Variants in WSCD2 observed in about 807,000 individuals in gnomAD.
WSCD2 encodes the protein WSC domain sialate O sulfotransferase 2.
Under a neutral mutation model 55.7 loss-of-function variants are expected in WSCD2, and 28 were observed. The observed-to-expected ratio is 0.50, with a 90% CI of 0.37 to 0.69. WSCD2 has a LOEUF of 0.69. Ranked by LOEUF, WSCD2 falls within the 30% of genes least tolerant of loss-of-function variation. The probability of loss-of-function intolerance (pLI) is 0.00; values close to 1 mark genes in which losing one functional copy is unlikely to be tolerated. For missense variants in WSCD2, 616 were observed against 762.1 expected (o/e 0.81, Z 2.26); for synonymous variants, 301 against 301.9 (o/e 1.00, Z 0.03).
chr12:108,169,404 C>T (rs1281537748), intron 1 of WSCD2, among the ~76,000 whole-genome samples: 1 of 152,026 alleles, frequency 6.6e-6, no homozygotes, highest in Non-Finnish European at 1.5e-5. Flanking sequence ...TTGGGGACCA[C>T]TGTTCTAGGG....
chr12:108,206,884 C>A (rs550286694), intron 3 of WSCD2, among the ~76,000 whole-genome samples: 1 of 152,342 alleles, frequency 6.6e-6, no homozygotes, highest in South Asian at 2.1e-4. Context: ...CTTAGAAATG[C>A]ACCATTAGAT....
intron 6 of WSCD2, 129 bp downstream of exon 6, chr12:108,227,293 T>A: frequency 9.0e-7 from 1 of 1,116,690 alleles, no homozygotes; most frequent in Non-Finnish European, 1.2e-6. Context: ...AGGGCAGGGC[T>A]GATGAACTCC....
chr12:108,186,333 T>C (rs1044858332), intron 1 of WSCD2, among the ~76,000 whole-genome samples: 6 of 152,174 alleles, frequency 3.9e-5, no homozygotes, highest in African/African-American at 1.2e-4. Context: ...GTCCCTTTGT[T>C]ACAGTTGATG....
intron 6 of WSCD2, among the ~76,000 whole-genome samples, chr12:108,228,115 A>G (rs1888341017): frequency 6.6e-6 from 1 of 152,166 alleles, no homozygotes; most frequent in South Asian, 2.1e-4. Flanking sequence ...CATACTGTTT[A>G]TAAACTTTCC....
chr12:108,223,120 A>G (rs77372245), intron 4 of WSCD2, among the ~76,000 whole-genome samples: 1,870 of 152,320 alleles, frequency 0.012, 41 homozygotes, highest in African/African-American at 0.044. Context: ...GCTCACCCAC[A>G]TTATCAAGGG....
At chr12:108,194,921 A>AC (rs1883706718) in intron 1 of WSCD2, among the ~76,000 whole-genome samples, 1 of 152,206 alleles carries the variant, frequency 6.6e-6, no homozygotes, top group African/African-American at 2.4e-5. Flanking sequence ...CCTTGAAAGT[A>AC]CTTTTCAGAC....
intron 1 of WSCD2, among the ~76,000 whole-genome samples, chr12:108,158,077 C>G (rs1000783758): frequency 6.6e-6 from 1 of 152,198 alleles, no homozygotes; most frequent in African/African-American, 2.4e-5. Flanking sequence ...TCTGCACAGC[C>G]TGTACTTACG....
At chr12:108,246,819 G>A (rs1369256169) in intron 8 of WSCD2, among the ~76,000 whole-genome samples, 1 of 152,130 alleles carries the variant, frequency 6.6e-6, no homozygotes, top group East Asian at 1.9e-4. Context: ...CAGAAGTGGG[G>A]GGTTTCTGCA....
intron 1 of WSCD2, among the ~76,000 whole-genome samples, chr12:108,149,338 G>A (rs1390292568): frequency 6.6e-6 from 1 of 152,192 alleles, no homozygotes; most frequent in East Asian, 1.9e-4. Flanking sequence ...TTAATTAAAT[G>A]CTGGAATGGA....
At position 108,195,664 on chromosome 12, in the gene WSCD2, T is replaced by C. The variant is rs1444599666; in HGVS notation, c.-169T>C. The stretch of plus-strand genomic sequence containing the variant: ...CCTTTCTCATGGCCTCAGCCAAGCA[T>C]TGAACTTGCCCTCCCCTTCTGGCCT... On this transcript the variant is annotated 5_prime_UTR_variant, in exon 2 of 9. Coordinates refer to ENST00000547525, the MANE Select transcript of WSCD2 (RefSeq NM_014653.4). 1 of 930,504 alleles carries C rather than the reference T, an allele frequency of 1.1e-6. No individual in the cohort carries two copies. Among genetic ancestry groups the C allele is most frequent in the Non-Finnish European group, 1.6e-6 (1 of 639,444 alleles). 57.6% of individuals were successfully genotyped at this position (930,504 alleles called of 1,614,324 possible). A position where few individuals can be genotyped will look rare whatever the true frequency, so the allele number is the denominator to read the frequency against.
intron 1 of WSCD2, among the ~76,000 whole-genome samples, chr12:108,154,429 C>T (rs1294687046): frequency 1.3e-5 from 2 of 152,152 alleles, no homozygotes; most frequent in Non-Finnish European, 2.9e-5. Context: ...TCTCCTTCTC[C>T]GACTCTGACC....
In WSCD2 at chr12:108,250,171, AGT is replaced by A. The variant is rs372802789; in HGVS notation, c.*1855_*1856del. On this transcript the variant is annotated 3_prime_UTR_variant, in exon 9 of 9. Transcript: ENST00000547525. ...AGGTTCACAAATGGGATGTTTTCCTAGTGTGTGTGTGTGTGTGTGTGTGTGTG... is the reference window on the plus strand; with the variant it reads ...AGGTTCACAAATGGGATGTTTTCCTAGTGTGTGTGTGTGTGTGTGTGTGTG... 909 of 146,416 alleles carry A rather than the reference AGT, an allele frequency of 6.2e-3. 3 individuals carry two copies. The highest frequency in any genetic ancestry group is 0.028 in the Middle Eastern group (8 of 288). The allele number at this position is 146,416 out of a possible 1,614,324, so 9.1% of individuals were successfully genotyped here. A position where few individuals can be genotyped will look rare whatever the true frequency, so the allele number is the denominator to read the frequency against.
chr12:108,241,302 C>A (rs573865797), intron 8 of WSCD2, among the ~76,000 whole-genome samples: 84 of 152,290 alleles, frequency 5.5e-4, no homozygotes, highest in South Asian at 1.0e-3. Context: ...CATTTCAATG[C>A]AGAGCAGCCA....
chr12:108,159,758 C>A (rs1433273824), intron 1 of WSCD2, among the ~76,000 whole-genome samples: 4 of 152,214 alleles, frequency 2.6e-5, no homozygotes, highest in Admixed American at 1.3e-4. Context: ...AGAAAGCCCC[C>A]AGCAGCCCCT....
intron 4 of WSCD2, among the ~76,000 whole-genome samples, chr12:108,212,050 C>T (rs541767397): frequency 6.6e-6 from 1 of 152,188 alleles, no homozygotes; most frequent in African/African-American, 2.4e-5. Flanking sequence ...GCTGGTTTTT[C>T]CAAATTAACT....
intron 1 of WSCD2, among the ~76,000 whole-genome samples, chr12:108,132,428 A>G (rs574361748): frequency 8.2e-4 from 125 of 152,312 alleles, no homozygotes; most frequent in Non-Finnish European, 1.4e-3. Context: ...CATGAGAACC[A>G]TAAGTGTGTG....
At chr12:108,156,622 G>A (rs907743789) in intron 1 of WSCD2, among the ~76,000 whole-genome samples, 4 of 152,184 alleles carry the variant, frequency 2.6e-5, no homozygotes, top group African/African-American at 9.7e-5. Flanking sequence ...ACAGGTGTGG[G>A]TTGTGGGTAT....
intron 8 of WSCD2, among the ~76,000 whole-genome samples, chr12:108,247,514 G>A (rs1238570058): frequency 6.6e-6 from 1 of 152,116 alleles, no homozygotes; most frequent in Admixed American, 6.6e-5. Context: ...AAGTATCGGG[G>A]TGTGTTTAGA....
chr12:108,233,008 C>T, intron 7 of WSCD2, 113 bp downstream of exon 7: 2 of 1,398,218 alleles, frequency 1.4e-6, no homozygotes. Context: ...CCACTCAGCT[C>T]TCCCAGGCAC....
Sources: allele counts gnomAD v4.1 joint callset (sites outside exome capture counted in the v4.1 genomes callset), GRCh38; gene constraint gnomAD v4.1.1; transcripts MANE v1.5; gene names NCBI Gene and HGNC (gene_info 2026-07-23, HGNC 2026-07-21).